The following PLEKHA7 variants were observed in gnomAD, a reference collection of about 807,000 sequenced individuals.
The protein encoded by PLEKHA7 is pleckstrin homology domain containing A7, also known as pleckstrin homology domain-containing family A member 7.
A neutral mutation model predicts 170.0 loss-of-function variants in PLEKHA7; 104 were observed. The ratio of observed to expected loss-of-function variants is 0.61; its 90% confidence interval spans 0.52 to 0.72. PLEKHA7 has a LOEUF of 0.72. Ranked by LOEUF, PLEKHA7 falls within the 30% of genes least tolerant of loss-of-function variation. The pLI is 0.00. For missense variants in PLEKHA7, 1,615 were observed against 1,671.7 expected, an observed-to-expected ratio of 0.97 and a Z score of 0.59; for synonymous variants, 648 against 660.8, an observed-to-expected ratio of 0.98 and a Z score of 0.30.
At chr11:16,958,474 G>A (rs939383112) in intron 3 of PLEKHA7, among the ~76,000 whole-genome samples, 1 of 152,194 alleles carries the variant, frequency 6.6e-6, no homozygotes, top group Non-Finnish European at 1.5e-5. Flanking sequence ...GTATATGCAT[G>A]AGAAAGGAAA....
intron 9 of PLEKHA7, among the ~76,000 whole-genome samples, chr11:16,840,302 T>C (rs1851850551): frequency 6.6e-6 from 1 of 152,308 alleles, no homozygotes; most frequent in East Asian, 1.9e-4. Context: ...GGCTCATGCC[T>C]GTAATCCCGG....
chr11:16,802,836 G>A (rs1481481775), intron 15 of PLEKHA7, 136 bp downstream of exon 15: 12 of 784,756 alleles, frequency 1.5e-5, no homozygotes, highest in South Asian at 5.0e-5. Flanking sequence ...ATGAGCCACC[G>A]CACCTGGTGC....
chr11:16,985,891 T>A (rs544863520), intron 3 of PLEKHA7, among the ~76,000 whole-genome samples: 1 of 152,310 alleles, frequency 6.6e-6, no homozygotes, highest in South Asian at 2.1e-4. Context: ...AGCTTCTCAG[T>A]ACATAACAAA....
chr11:16,788,044 G>C (rs1440907771), intron 23 of PLEKHA7: 2 of 152,402 alleles, frequency 1.3e-5, no homozygotes, highest in African/African-American at 4.8e-5. Context: ...TCAGTCTTGG[G>C]AGAATGTATT....
chr11:16,965,018 A>C (rs1565161653), intron 3 of PLEKHA7, among the ~76,000 whole-genome samples: 1 of 151,644 alleles, frequency 6.6e-6, no homozygotes, highest in African/African-American at 2.4e-5. Flanking sequence ...AAAAAAAAAA[A>C]AAGGTTTGGG....
chr11:16,853,505 C>T (rs1036232554), intron 6 of PLEKHA7, among the ~76,000 whole-genome samples: 4 of 152,190 alleles, frequency 2.6e-5, no homozygotes, highest in African/African-American at 9.7e-5. Context: ...CTTCTGGACA[C>T]CCCCCAGTAT....
intron 3 of PLEKHA7, among the ~76,000 whole-genome samples, chr11:16,981,393 G>C (rs1017495678): frequency 3.3e-5 from 5 of 152,162 alleles, no homozygotes; most frequent in Admixed American, 6.5e-5. Context: ...TTCCAACCCA[G>C]TTGGCCTGAC....
intron 3 of PLEKHA7, among the ~76,000 whole-genome samples, chr11:16,995,867 C>T (rs1056084132): frequency 6.6e-6 from 1 of 152,146 alleles, no homozygotes; most frequent in Non-Finnish European, 1.5e-5. Flanking sequence ...AAAAACCACA[C>T]GTAAAATTGG....
At chr11:16,954,795 A>T (rs1020249435) in intron 3 of PLEKHA7, among the ~76,000 whole-genome samples, 3 of 151,832 alleles carry the variant, frequency 2.0e-5, no homozygotes, top group Non-Finnish European at 2.9e-5. Flanking sequence ...GGTTCAAGCA[A>T]TTCTCCTGCT....
At chr11:17,001,311 T>A (rs1864651040) in intron 3 of PLEKHA7, among the ~76,000 whole-genome samples, 1 of 152,100 alleles carries the variant, frequency 6.6e-6, no homozygotes, top group East Asian at 1.9e-4. Context: ...AATTCCTTGA[T>A]CAAAAGCCAA....
chr11:16,937,082 C>T (rs904363283), intron 3 of PLEKHA7, among the ~76,000 whole-genome samples: 1 of 152,172 alleles, frequency 6.6e-6, no homozygotes, highest in African/African-American at 2.4e-5. Context: ...AACCTGGAGT[C>T]GTTGTTATTA....
rs554711100 is a variant in PLEKHA7 at position 16,939,691 on chromosome 11, C to G, written c.222-68509G>C. On this transcript the variant is annotated intron_variant, in intron 3 of 26. Transcript: ENST00000531066. ...CACTCACAAAGTAAATCATTCAGGG[C>G]CACTGATTTTTTTCGTGTTTTCTCT... Among the ~76,000 whole-genome samples, 28 of 152,280 alleles carry G rather than the reference C, an allele frequency of 1.8e-4. 1 individual carries two copies. The South Asian group carries it at 5.6e-3, about 30-fold the overall frequency.
intron 3 of PLEKHA7, among the ~76,000 whole-genome samples, chr11:16,989,675 C>A (rs1270639366): frequency 1.3e-5 from 2 of 152,180 alleles, no homozygotes; most frequent in Non-Finnish European, 2.9e-5. Flanking sequence ...TTTTGTGGCC[C>A]CAGGATCTGG....
chr11:16,901,705 C>T (rs1317299200), intron 3 of PLEKHA7, among the ~76,000 whole-genome samples: 1 of 151,998 alleles, frequency 6.6e-6, no homozygotes, highest in Non-Finnish European at 1.5e-5. Flanking sequence ...CCCATCTCTA[C>T]AAAAAATACA....
chr11:16,964,672 C>G (rs573575665), intron 3 of PLEKHA7, among the ~76,000 whole-genome samples: 90 of 152,338 alleles, frequency 5.9e-4, no homozygotes, highest in Non-Finnish European at 1.2e-3. Context: ...TGGGCAGGGC[C>G]TTTCCTGCTT....
chr11:16,906,280 A>AAGGAAGGAAGGAAGGG (rs1441424486), intron 3 of PLEKHA7, among the ~76,000 whole-genome samples: 1 of 116,666 alleles, frequency 8.6e-6, no homozygotes, highest in Non-Finnish European at 1.8e-5. Context: ...GGAAGGAAGG[A>AAGGAAGGAAGGAAGGG]AAGAAAGAAA....
chr11:16,809,771 C>T lies in PLEKHA7; in HGVS notation c.2007+3342G>A, dbSNP rs140603492. Among the ~76,000 whole-genome samples the T allele has an allele frequency of 1.2e-4, 18 of 152,322 alleles. No homozygotes were observed. In the East Asian group the frequency reaches 2.7e-3, roughly 23 times the overall value. On this transcript the variant is annotated intron_variant, in intron 13 of 26. Coordinates refer to ENST00000531066, the MANE Select transcript of PLEKHA7 (RefSeq NM_001329630.2). ...AAGTCTTTCTTCTACTAAGCTGCAA[C>T]CTATCTACTTGTAGCTGCCATCCAC... is the stretch of plus-strand genomic sequence containing the variant.
chr11:16,946,146 T>A (rs1861017139), intron 3 of PLEKHA7, among the ~76,000 whole-genome samples: 1 of 152,332 alleles, frequency 6.6e-6, no homozygotes, highest in East Asian at 1.9e-4. Context: ...TTTCCCCGTC[T>A]GGGTGCTTCT....
At chr11:16,893,865 T>C (rs1317896347) in intron 3 of PLEKHA7, among the ~76,000 whole-genome samples, 1 of 152,206 alleles carries the variant, frequency 6.6e-6, no homozygotes, top group Non-Finnish European at 1.5e-5. Context: ...AAGATTAAGT[T>C]ATCCATGGAG....
Sources: allele counts gnomAD v4.1 joint callset (sites outside exome capture counted in the v4.1 genomes callset), GRCh38; gene constraint gnomAD v4.1.1; transcripts MANE v1.5; gene names NCBI Gene and HGNC (gene_info 2026-07-23, HGNC 2026-07-21).